Variants in RYR2 observed in about 807,000 individuals in gnomAD.
RYR2 encodes cardiac muscle ryanodine receptor-calcium release channel.
A neutral mutation model predicts 601.1 loss-of-function variants in RYR2; 227 were observed. The observed-to-expected ratio is 0.38, with a 90% CI of 0.34 to 0.42. The LOEUF (loss-of-function observed/expected upper bound fraction) is 0.42, where lower values mean the gene tolerates loss of function less well. Among genes scored for constraint, RYR2 ranks in the 10% least tolerant of loss-of-function variants. The pLI is 1.00. For missense variants in RYR2, 4,646 were observed against 6,156.5 expected (o/e 0.75, Z 8.21); for synonymous variants, 2,223 against 2,175.1 (o/e 1.02, Z -0.61).
At chr1:237,757,664 A>G in intron 81 of RYR2, 33 bp from the exon 82 acceptor site, 1 of 1,396,042 alleles carries the variant, frequency 7.2e-7, no homozygotes, top group Non-Finnish European at 1.0e-6. Context: ...AGGCGAAATG[A>G]TATAAGGAAC....
intron 94 of RYR2, among the ~76,000 whole-genome samples, chr1:237,792,723 A>G (rs985148410): frequency 2.0e-5 from 3 of 152,156 alleles, no homozygotes; most frequent in African/African-American, 4.8e-5. Context: ...TCTTTCATAT[A>G]CTGATAATTA....
chr1:237,428,885 CTTAGTA>C (rs1013656172), intron 12 of RYR2, among the ~76,000 whole-genome samples: 4 of 151,922 alleles, frequency 2.6e-5, no homozygotes, highest in African/African-American at 9.7e-5. Context: ...AACAGAAAAT[CTTAGTA>C]TTAGGAGATA....
rs760181200 is a variant in RYR2, at chr1:237,595,602, C to T, written c.4541C>T (p.Ala1514Val). The T allele has an allele frequency of 4.3e-6, 7 of 1,613,194 alleles. No homozygotes were observed. The highest frequency in any genetic ancestry group is 5.9e-6 in the Non-Finnish European group (7 of 1,179,622). Reference protein sequence around the residue: ...GLEIGCVVDAASGLLTFIANG... With the variant: ...GLEIGCVVDAVSGLLTFIANG... Reference sequence around the variant, plus strand: ...GAGATTGGCTGTGTGGTGGATGCTGCCAGCGGGCTGCTCACATTCATTGCC... The same window carrying T: ...GAGATTGGCTGTGTGGTGGATGCTGTCAGCGGGCTGCTCACATTCATTGCC... The change falls in exon 34 of 105, where the codon GCC becomes GTC. Residue 1514 changes from alanine to valine, a missense_variant. Transcript: ENST00000366574.
chr1:237,458,301 A>C (rs1421221829), intron 16 of RYR2, among the ~76,000 whole-genome samples: 1 of 151,998 alleles, frequency 6.6e-6, no homozygotes, highest in Non-Finnish European at 1.5e-5. Flanking sequence ...TGGTGGCGGG[A>C]GCCTGTAACC....
At chr1:237,739,280 A>G (rs1691408386) in intron 79 of RYR2, among the ~76,000 whole-genome samples, 1 of 152,148 alleles carries the variant, frequency 6.6e-6, no homozygotes, top group African/African-American at 2.4e-5. Flanking sequence ...CTCCTATCAT[A>G]TATACTTCCT....
chr1:237,717,485 A>T (rs1316576694), intron 72 of RYR2, 117 bp downstream of exon 72: 26 of 908,952 alleles, frequency 2.9e-5, no homozygotes, highest in Non-Finnish European at 3.9e-5. Context: ...TGTTTTATTA[A>T]GCAGGTTTTC....
intron 29 of RYR2, among the ~76,000 whole-genome samples, chr1:237,587,939 A>G (rs1674715163): frequency 6.6e-6 from 1 of 152,190 alleles, no homozygotes; most frequent in African/African-American, 2.4e-5. Flanking sequence ...CTCCTAGTTT[A>G]TGTTAAATGG....
intron 1 of RYR2, among the ~76,000 whole-genome samples, chr1:237,127,978 G>C (rs549520086): frequency 6.6e-6 from 1 of 152,336 alleles, no homozygotes; most frequent in South Asian, 2.1e-4. Flanking sequence ...CTTCCCAGAT[G>C]GGGTGGCGGC....
chr1:237,270,467 A>AT, intron 1 of RYR2, 30 bp from the exon 2 acceptor site: 1 of 1,556,120 alleles, frequency 6.4e-7, no homozygotes, highest in Non-Finnish European at 8.7e-7. Context: ...CGTCTCACTT[A>AT]TTTTTCCCTC....
chr1:237,386,805 A>G (rs970876606), intron 8 of RYR2, among the ~76,000 whole-genome samples: 1 of 152,178 alleles, frequency 6.6e-6, no homozygotes, highest in Non-Finnish European at 1.5e-5. Context: ...CAAATTGCAG[A>G]TAACAGTTCC....
At chr1:237,332,609 A>G (rs1285916620) in intron 3 of RYR2, among the ~76,000 whole-genome samples, 3 of 152,198 alleles carry the variant, frequency 2.0e-5, no homozygotes, top group Non-Finnish European at 4.4e-5. Context: ...CAGCTTTTAT[A>G]AAGAAAGATC....
rs576744321 is a variant in RYR2 at position 237,086,836 on chromosome 1, C to T, written c.48+44267C>T. On this transcript the variant is annotated intron_variant, in intron 1 of 104. Coordinates refer to ENST00000366574, the MANE Select transcript of RYR2 (RefSeq NM_001035.3). ...CCTTCACTCTCCAGCTGCAGTAGAA[C>T]GAGGTTGGCAAACAGCAGTCAAACT... 3.6e-4 allele frequency among the ~76,000 whole-genome samples: 55 copies of T among 152,168 alleles called. 1 individual carries two copies. Among genetic ancestry groups the T allele is most frequent in the African/African-American group, 1.2e-3 (48 of 41,512 alleles).
rs1367825986 is a variant in RYR2 at position 237,052,235 on chromosome 1, CA to C, written c.48+9667del. Reference sequence around the variant, plus strand: ...TGCTCAAACAGTGAAACCTTATATGCATCAACCTGGGAACAGTAAGCTTATG... The same window carrying C: ...TGCTCAAACAGTGAAACCTTATATGCTCAACCTGGGAACAGTAAGCTTATG... On this transcript the variant is annotated intron_variant, in intron 1 of 104. Transcript: ENST00000366574. Among the ~76,000 whole-genome samples the C allele has an allele frequency of 3.9e-5, 6 of 152,256 alleles. No individual in the cohort carries two copies. In the East Asian group the frequency reaches 1.2e-3, roughly 29 times the overall value.
chr1:237,775,320 G>A (rs1694579459), intron 87 of RYR2, among the ~76,000 whole-genome samples: 1 of 152,070 alleles, frequency 6.6e-6, no homozygotes, highest in African/African-American at 2.4e-5. Context: ...GGCACATCCT[G>A]TTAACTAAAT....
chr1:237,466,978 C>T (rs1171376784), intron 16 of RYR2, among the ~76,000 whole-genome samples: 1 of 151,604 alleles, frequency 6.6e-6, no homozygotes, highest in African/African-American at 2.4e-5. Context: ...TGTCTGTTTG[C>T]AGTAAATTTA....
intron 17 of RYR2, among the ~76,000 whole-genome samples, chr1:237,487,914 C>T (rs1035974232): frequency 6.6e-6 from 1 of 151,750 alleles, no homozygotes; most frequent in African/African-American, 2.4e-5. Flanking sequence ...TTGGATCTGA[C>T]CTGATAGAAT....
intron 10 of RYR2, among the ~76,000 whole-genome samples, chr1:237,404,671 T>A (rs1703700158): frequency 6.6e-6 from 1 of 152,202 alleles, no homozygotes; most frequent in Admixed American, 6.5e-5. Flanking sequence ...TAGATTACAT[T>A]ATTTGACAAA....
intron 48 of RYR2, 46 bp from the exon 49 acceptor site, chr1:237,648,398 G>A (rs1475849433): frequency 2.0e-6 from 3 of 1,519,798 alleles, no homozygotes; most frequent in Admixed American, 2.0e-5. Context: ...AATCTATCCT[G>A]TATATGACAC....
At chr1:237,718,564 A>T (rs373601737) in intron 73 of RYR2, 43 bp downstream of exon 73, 1 of 1,001,332 alleles carries the variant, frequency 1.0e-6, no homozygotes, top group Non-Finnish European at 1.6e-6. Context: ...CTACCTATAC[A>T]TTAGTTAATC....
Sources: gnomAD v4.1 joint callset for allele counts (sites outside exome capture counted in the v4.1 genomes callset) on GRCh38, gnomAD v4.1.1 for gene constraint, MANE v1.5 for transcripts, NCBI Gene and HGNC (gene_info 2026-07-23, HGNC 2026-07-21) for gene names.